Variants in NTPCR observed in about 807,000 individuals in gnomAD.
NTPCR encodes cancer-related nucleoside-triphosphatase.
NTPCR carries 15 observed loss-of-function variants against 19.5 expected under a neutral mutation model. The observed-to-expected ratio is 0.77, with a 90% CI of 0.51 to 1.18. The LOEUF (loss-of-function observed/expected upper bound fraction) is 1.18, where lower values mean the gene tolerates loss of function less well. Among genes scored for constraint, NTPCR ranks in the 50% most tolerant of loss-of-function variants. The pLI, the probability that NTPCR is intolerant of heterozygous loss-of-function variation, is 0.00. For missense variants in NTPCR, 206 were observed against 240.4 expected, an observed-to-expected ratio of 0.86 and a Z score of 0.95; for synonymous variants, 90 against 95.8, an observed-to-expected ratio of 0.94 and a Z score of 0.36.
chr1:232,950,749 C>T lies in NTPCR; in HGVS notation c.34+5C>T, dbSNP rs555164118. 3 of 1,592,942 alleles carry T rather than the reference C, an allele frequency of 1.9e-6. No individual in the cohort carries two copies. The East Asian group carries it at 6.9e-5, about 37-fold the overall frequency. On this transcript the variant is annotated splice_donor_5th_base_variant and intron_variant, in intron 1 of 4. Coordinates refer to ENST00000366628, the MANE Select transcript of NTPCR (RefSeq NM_032324.3). ...TGTTCCTAACGGGGCCCCCAGGTAA[C>T]CCTGAGGGGATCCCCACCTCCAAGA...
intron 3 of NTPCR, chr1:232,961,808 T>G (rs1425348863): frequency 6.6e-6 from 1 of 152,226 alleles, no homozygotes; most frequent in African/African-American, 2.4e-5. Flanking sequence ...TTCCAGATAT[T>G]TAGCCAGTTT....
chr1:232,971,683 A>G (rs1285300906), intron 4 of NTPCR, among the ~76,000 whole-genome samples: 2 of 152,192 alleles, frequency 1.3e-5, no homozygotes, highest in African/African-American at 4.8e-5. Flanking sequence ...AATACCAAAA[A>G]TGTGAACAGA....
intron 3 of NTPCR, chr1:232,965,757 G>A (rs1668797460): frequency 6.6e-6 from 1 of 152,238 alleles, no homozygotes; most frequent in Admixed American, 6.5e-5. Context: ...GCCAGGAGGT[G>A]TTGTTTCAGT....
intron 3 of NTPCR, chr1:232,967,981 T>C (rs1335309241): frequency 6.6e-6 from 1 of 152,206 alleles, no homozygotes; most frequent in East Asian, 1.9e-4. Flanking sequence ...CAAATATGGC[T>C]TTCGTTTTGG....
rs76468365 is a variant in NTPCR, at chr1:232,954,560, A to T, written c.35-997A>T. Among the ~76,000 whole-genome samples, 145 of 152,326 alleles carry T rather than the reference A, an allele frequency of 9.5e-4. 4 individuals are homozygous for T. In the East Asian group the frequency reaches 0.019, roughly 20 times the overall value. On this transcript the variant is annotated intron_variant, in intron 1 of 4. Coordinates refer to ENST00000366628, the MANE Select transcript of NTPCR (RefSeq NM_032324.3). ...ATTTTAAAAAGTCATGGTGACAGGT[A>T]AAGTCCCCTGTTGAAAGGTATGGAC...
chr1:232,963,862 T>G (rs990427723), intron 3 of NTPCR: 7 of 151,962 alleles, frequency 4.6e-5, no homozygotes, highest in African/African-American at 1.2e-4. Context: ...TGTGTGTGTG[T>G]GTGTGTTTGT....
chr1:232,976,756 A>T (rs560385849), intron 4 of NTPCR: 14 of 501,550 alleles, frequency 2.8e-5, no homozygotes, highest in Admixed American at 4.0e-5. Context: ...AGCCAGGACC[A>T]GTAGAAATGG....
At chr1:232,965,184 C>A (rs368830233) in intron 3 of NTPCR, 1 of 152,136 alleles carries the variant, frequency 6.6e-6, no homozygotes, top group Admixed American at 6.5e-5. Flanking sequence ...TCCCTAAACA[C>A]CAGAGTGCTA....
intron 3 of NTPCR, chr1:232,969,028 A>T (rs913192555): frequency 2.0e-4 from 30 of 152,274 alleles, no homozygotes; most frequent in African/African-American, 6.5e-4. Flanking sequence ...ATTATTGTAC[A>T]CAGTATCTGA....
Position 232,961,604 on chromosome 1 carries a change from T to C in NTPCR, c.294+5161T>C, listed in dbSNP as rs531900828. Among the ~76,000 whole-genome samples, 23 of 152,362 alleles carry C rather than the reference T, an allele frequency of 1.5e-4. No individual in the cohort carries two copies. The South Asian group carries it at 2.9e-3, about 19-fold the overall frequency. On this transcript the variant is annotated intron_variant, in intron 3 of 4. Coordinates refer to ENST00000366628, the MANE Select transcript of NTPCR (RefSeq NM_032324.3). The stretch of plus-strand genomic sequence containing the variant: ...TAGCCTTTTTATATTATTGATTCTG[T>C]TTTTCTCAGTTTAGCACTTCACTTT...
chr1:232,960,469 G>A (rs1448097947), intron 3 of NTPCR, among the ~76,000 whole-genome samples: 5 of 151,314 alleles, frequency 3.3e-5, no homozygotes, highest in African/African-American at 1.2e-4. Context: ...TCAGCCTCCC[G>A]AGTAGCTGGG....
intron 3 of NTPCR, among the ~76,000 whole-genome samples, chr1:232,961,421 T>G (rs1407516857): frequency 1.3e-5 from 2 of 152,244 alleles, no homozygotes; most frequent in African/African-American, 4.8e-5. Flanking sequence ...ACTCTACTTA[T>G]TTTCAACACA....
intron 4 of NTPCR, chr1:232,976,670 AG>A: frequency 2.5e-6 from 3 of 1,223,294 alleles, no homozygotes; most frequent in Non-Finnish European, 3.3e-6. Flanking sequence ...GGATTGACGC[AG>A]CCAGGACCAG....
chr1:232,960,074 GT>G (rs1668627346), intron 3 of NTPCR, among the ~76,000 whole-genome samples: 1 of 151,700 alleles, frequency 6.6e-6, no homozygotes, highest in African/African-American at 2.4e-5. Flanking sequence ...AATCAGCTGG[GT>G]ATGGTGGCAC....
At chr1:232,971,632 G>C (rs1359499650) in intron 4 of NTPCR, among the ~76,000 whole-genome samples, 1 of 152,210 alleles carries the variant, frequency 6.6e-6, no homozygotes. Context: ...GACTGACCAA[G>C]GCGCTGCTTT....
At chr1:232,970,380 A>G (rs1668942926) in intron 4 of NTPCR, among the ~76,000 whole-genome samples, 1 of 152,224 alleles carries the variant, frequency 6.6e-6, no homozygotes, top group Non-Finnish European at 1.5e-5. Flanking sequence ...ACCAGACACT[A>G]GGACCTCTCT....
At position 232,978,089 on chromosome 1, in the gene NTPCR, TAG is replaced by T. The variant is rs1031302557; in HGVS notation, c.505-69_505-68del. ...CTCCCAGCCTTCCAGGCGTTTCTTTTAGAGAGTTACCTAGCACAAGATTGAAG... is the reference window on the plus strand; with the variant it reads ...CTCCCAGCCTTCCAGGCGTTTCTTTTAGAGTTACCTAGCACAAGATTGAAG... On this transcript the variant is annotated intron_variant, in intron 4 of 4. Coordinates refer to ENST00000366628, the MANE Select transcript of NTPCR (RefSeq NM_032324.3). 34 of 1,340,530 alleles carry T rather than the reference TAG, an allele frequency of 2.5e-5. No homozygotes were observed. The Middle Eastern group carries it at 7.3e-4, about 29-fold the overall frequency. 83.0% of individuals were successfully genotyped at this position (1,340,530 alleles called of 1,614,324 possible).
At chr1:232,961,058 A>G (rs1668656905) in intron 3 of NTPCR, among the ~76,000 whole-genome samples, 14 of 152,170 alleles carry the variant, frequency 9.2e-5, no homozygotes, top group Admixed American at 8.5e-4. Context: ...TTCCCTTAAT[A>G]TGATTGAGGG....
intron 4 of NTPCR, among the ~76,000 whole-genome samples, chr1:232,975,714 A>C (rs888644806): frequency 1.2e-4 from 18 of 152,166 alleles, no homozygotes; most frequent in Non-Finnish European, 2.4e-4. Context: ...GGGCAGGTGC[A>C]AGGGTTCAGG....
Sources: allele counts gnomAD v4.1 joint callset (sites outside exome capture counted in the v4.1 genomes callset), GRCh38; gene constraint gnomAD v4.1.1; transcripts MANE v1.5; gene names NCBI Gene and HGNC (gene_info 2026-07-23, HGNC 2026-07-21).